Variants in BRINP1 observed in about 807,000 individuals in gnomAD.
BRINP1 encodes the protein BMP/retinoic acid-inducible neural-specific protein 1.
In BRINP1, 17 loss-of-function variants were observed where a neutral mutation model predicts 72.9. The ratio of observed to expected loss-of-function variants is 0.23; its 90% CI spans 0.16 to 0.35. The LOEUF is 0.35. Ranked by LOEUF, BRINP1 falls within the 10% of genes least tolerant of loss-of-function variation. The pLI, the probability that BRINP1 is intolerant of heterozygous loss-of-function variation, is 1.00. For missense variants in BRINP1, 850 were observed against 1,001.6 expected (o/e 0.85, Z 2.04); for synonymous variants, 418 against 378.5 (o/e 1.10, Z -1.21).
At chr9:119,310,167 G>T (rs560908884) in intron 2 of BRINP1, among the ~76,000 whole-genome samples, 1 of 152,282 alleles carries the variant, frequency 6.6e-6, no homozygotes, top group East Asian at 1.9e-4. Flanking sequence ...AGAACCAAAG[G>T]TTCAAAGAAG....
intron 7 of BRINP1, among the ~76,000 whole-genome samples, chr9:119,174,372 A>G (rs1410652129): frequency 6.6e-6 from 1 of 150,596 alleles, no homozygotes; most frequent in African/African-American, 2.5e-5. Flanking sequence ...AAAAATGCTC[A>G]TCATCACTGG....
intron 5 of BRINP1, among the ~76,000 whole-genome samples, chr9:119,227,891 G>T (rs886186063): frequency 2.0e-5 from 3 of 151,948 alleles, no homozygotes; most frequent in Non-Finnish European, 4.4e-5. Context: ...ACTCTTAGTT[G>T]GTGGGATGGA....
chr9:119,171,052 A>AAAG (rs1829403321), intron 7 of BRINP1, among the ~76,000 whole-genome samples: 1 of 144,602 alleles, frequency 6.9e-6, no homozygotes, highest in African/African-American at 2.9e-5. Flanking sequence ...GACCATCAAG[A>AAAG]CTAGAAAGAA....
intron 7 of BRINP1, among the ~76,000 whole-genome samples, chr9:119,197,669 A>T (rs940415029): frequency 1.3e-5 from 2 of 148,724 alleles, no homozygotes; most frequent in African/African-American, 5.0e-5. Context: ...TGTGAAGCTG[A>T]TGGAGCACTG....
intron 5 of BRINP1, among the ~76,000 whole-genome samples, chr9:119,216,397 C>T (rs539469297): frequency 2.0e-5 from 3 of 152,188 alleles, no homozygotes; most frequent in Admixed American, 6.5e-5. Flanking sequence ...GCAATGAGTC[C>T]GTATGGGTTT....
At chr9:119,202,485 T>G (rs1407821461) in intron 7 of BRINP1, among the ~76,000 whole-genome samples, 1 of 152,180 alleles carries the variant, frequency 6.6e-6, no homozygotes, top group East Asian at 1.9e-4. Context: ...TATACCCATT[T>G]TATAAGTGAT....
intron 3 of BRINP1, among the ~76,000 whole-genome samples, chr9:119,243,586 G>A (rs1042886058): frequency 2.0e-5 from 3 of 152,108 alleles, no homozygotes; most frequent in African/African-American, 7.2e-5. Flanking sequence ...GGATTGCTGG[G>A]ACAAATGGTA....
chr9:119,337,480 C>G (rs183739755), intron 1 of BRINP1, among the ~76,000 whole-genome samples: 12 of 152,330 alleles, frequency 7.9e-5, no homozygotes, highest in Admixed American at 5.2e-4. Context: ...CTCTTCCACT[C>G]TAGCCCTGTG....
chr9:119,306,696 G>C (rs1831000936), intron 2 of BRINP1, among the ~76,000 whole-genome samples: 1 of 152,174 alleles, frequency 6.6e-6, no homozygotes. Context: ...GAGTCAAAAG[G>C]CACTAGAATT....
intron 1 of BRINP1, among the ~76,000 whole-genome samples, chr9:119,367,027 G>C (rs1831699394): frequency 6.6e-6 from 1 of 151,760 alleles, no homozygotes; most frequent in African/African-American, 2.4e-5. Context: ...CCTGACATGA[G>C]TTTCCTGAAG....
At chr9:119,291,696 A>T (rs1165144470) in intron 2 of BRINP1, among the ~76,000 whole-genome samples, 27 of 152,216 alleles carry the variant, frequency 1.8e-4, no homozygotes, top group Admixed American at 1.7e-3. Flanking sequence ...AAAATCCAGC[A>T]TCCAGTTGCA....
At chr9:119,292,717 T>C (rs1044462052) in intron 2 of BRINP1, among the ~76,000 whole-genome samples, 3 of 152,194 alleles carry the variant, frequency 2.0e-5, no homozygotes, top group Non-Finnish European at 2.9e-5. Context: ...GTACTTATCA[T>C]ATGAACTGAT....
intron 2 of BRINP1, among the ~76,000 whole-genome samples, chr9:119,250,133 G>A (rs1413569069): frequency 6.9e-6 from 1 of 144,254 alleles, no homozygotes; most frequent in Admixed American, 6.9e-5. Flanking sequence ...AAGGAGGGAG[G>A]GAGGGAGGGA....
chr9:119,319,941 A>G (rs1831167814), intron 1 of BRINP1, among the ~76,000 whole-genome samples: 1 of 152,240 alleles, frequency 6.6e-6, no homozygotes, highest in African/African-American at 2.4e-5. Flanking sequence ...AAGTGTGAAC[A>G]ATTCTAATAT....
In BRINP1 at chr9:119,167,171, G is replaced by A. The variant is rs751582959; in HGVS notation, c.2199C>T (p.Ser733=). ...AGGCGTGGTTCACCCTGATGATCTC[G>A]CTGTTGGTCAGTTTCAGGCGGTGTT... is the stretch of plus-strand genomic sequence containing the variant. ...MLKHRLKLTN[S]EIIRVNHALD... Residue 733 remains serine (S), a synonymous_variant, in exon 8 of 8, where the codon AGC becomes AGT. Transcript: ENST00000265922. This position sits in a 1 kb window ranked among gnomAD's most constrained non-coding sequence, Gnocchi z 4.3. 41 of 1,613,996 alleles carry A rather than the reference G, an allele frequency of 2.5e-5. No homozygotes were observed. The highest frequency in any genetic ancestry group is 2.7e-5 in the Non-Finnish European group (32 of 1,180,050).
At chr9:119,190,660 A>T (rs148712231) in intron 7 of BRINP1, among the ~76,000 whole-genome samples, 3 of 152,100 alleles carry the variant, frequency 2.0e-5, no homozygotes, top group African/African-American at 7.2e-5. Context: ...GTAATATTTA[A>T]AAACCTTCCA....
chr9:119,311,278 G>T (rs919550877), intron 2 of BRINP1, among the ~76,000 whole-genome samples: 3 of 152,142 alleles, frequency 2.0e-5, no homozygotes, highest in Admixed American at 6.5e-5. Flanking sequence ...CTAACTTCTG[G>T]GTTGAACTCT....
At chr9:119,335,293 G>C (rs1831336477) in intron 1 of BRINP1, among the ~76,000 whole-genome samples, 1 of 152,172 alleles carries the variant, frequency 6.6e-6, no homozygotes, top group Admixed American at 6.5e-5. Context: ...GGCCCAGCTA[G>C]GTTTCTAATT....
Position 119,238,679 on chromosome 9 carries a change from T to C in BRINP1, c.661A>G (p.Thr221Ala). ...DSVSSVLLQS[T>A]ESKLHLQGLQ... ...CCTTGAAGGTGCAGTTTGCTCTCCG[T>C]GCTTTGCAGAAGGACGGAACTCACA... The change falls in exon 5 of 8, where the codon ACG (threonine) becomes GCG (alanine). Residue 221 changes from threonine (T) to alanine (A), a missense_variant. Thr to Ala is a moderately conservative substitution (Grantham distance 58). Transcript: ENST00000265922. 6.2e-7 allele frequency: 1 copy of C among 1,611,568 alleles called. No individual in the cohort carries two copies. The highest frequency in any genetic ancestry group is 1.1e-5 in the South Asian group (1 of 90,626).
Sources: allele counts gnomAD v4.1 joint callset (sites outside exome capture counted in the v4.1 genomes callset), GRCh38; gene constraint gnomAD v4.1.1; non-coding constraint Gnocchi (gnomAD v3.1); transcripts MANE v1.5; gene names NCBI Gene and HGNC (gene_info 2026-07-23, HGNC 2026-07-21).